Variants in ABCC1 observed in about 807,000 individuals in gnomAD.
ABCC1 encodes the protein ATP binding cassette subfamily C member 1 (ABCC1 blood group), also known as multidrug resistance-associated protein 1.
A neutral mutation model predicts 172.9 loss-of-function variants in ABCC1; 83 were observed. The ratio of observed to expected loss-of-function variants is 0.48; its 90% CI spans 0.40 to 0.58. ABCC1 has a LOEUF of 0.58. Ranked by LOEUF, ABCC1 falls within the 20% of genes least tolerant of loss-of-function variation. The pLI, the probability that ABCC1 is intolerant of heterozygous loss-of-function variation, is 0.00. For missense variants in ABCC1, 1,817 were observed against 2,002.7 expected (o/e 0.91, Z 1.77); for synonymous variants, 937 against 825.2 (o/e 1.14, Z -2.32).
At chr16:16,079,819 T>G (rs566215958) in intron 16 of ABCC1, among the ~76,000 whole-genome samples, 7 of 133,746 alleles carry the variant, frequency 5.2e-5, no homozygotes, top group Non-Finnish European at 7.7e-5. Context: ...TATTATTGTG[T>G]TTTTTTTTTT....
At chr16:16,122,296 G>A (rs2045204128) in intron 24 of ABCC1, 122 bp downstream of exon 24, 1 of 1,080,328 alleles carries the variant, frequency 9.3e-7, no homozygotes, top group South Asian at 1.5e-5. Flanking sequence ...CTTGCAGAAA[G>A]GATGGAGAGG....
chr16:16,132,491 T>C (rs2045725690), intron 27 of ABCC1, among the ~76,000 whole-genome samples: 1 of 148,418 alleles, frequency 6.7e-6, no homozygotes, highest in African/African-American at 2.5e-5. Context: ...GAAGTTCTTT[T>C]TTTGTTTTTT....
chr16:15,974,151 T>C (rs1467808365), intron 1 of ABCC1, among the ~76,000 whole-genome samples: 2 of 152,218 alleles, frequency 1.3e-5, no homozygotes, highest in Non-Finnish European at 1.5e-5. Context: ...AGAGTATTCC[T>C]GGGACCTGGC....
At chr16:16,059,831 C>A (rs1424985418) in intron 12 of ABCC1, among the ~76,000 whole-genome samples, 6 of 150,272 alleles carry the variant, frequency 4.0e-5, no homozygotes, top group Non-Finnish European at 7.4e-5. Context: ...CCCTCCCAGC[C>A]CCCCACAAAA....
intron 4 of ABCC1, 39 bp from the exon 5 acceptor site, chr16:16,016,457 G>C: frequency 1.9e-6 from 3 of 1,611,914 alleles, no homozygotes; most frequent in Non-Finnish European, 2.5e-6. Flanking sequence ...CCCAGCCCCA[G>C]AATGTGATCT....
chr16:16,134,333 G>T lies in ABCC1; in HGVS notation c.3967-17G>T. 1.2e-6 allele frequency: 2 copies of T among 1,613,822 alleles called. No individual in the cohort carries two copies. Among genetic ancestry groups the T allele is most frequent in the Non-Finnish European group, 1.7e-6 (2 of 1,179,972 alleles). ...ATGCCAGCATTCCCACCACACCTGG[G>T]CCCTTCTGTCCTGCAGGTCGGCATC... On this transcript the variant is annotated splice_polypyrimidine_tract_variant and intron_variant, in intron 27 of 30. Transcript: ENST00000399410.
intron 1 of ABCC1, among the ~76,000 whole-genome samples, chr16:15,994,533 G>A (rs1294519781): frequency 6.6e-6 from 1 of 152,122 alleles, no homozygotes; most frequent in African/African-American, 2.4e-5. Flanking sequence ...ATAAATACAT[G>A]CTTTCTCTTT....
At position 16,056,313 on chromosome 16, in the gene ABCC1, T is replaced by C. The variant is rs1413788889; in HGVS notation, c.1677+18T>C. On this transcript the variant is annotated intron_variant, in intron 12 of 30. Coordinates refer to ENST00000399410, the MANE Select transcript of ABCC1 (RefSeq NM_004996.4). The stretch of plus-strand genomic sequence containing the variant: ...CCTTTCTGGTGAGTGAAGCCACATT[T>C]TTCCTGGCCCTCATTGTTTGATGTT... The C allele has an allele frequency of 1.2e-6, 2 of 1,613,678 alleles. No homozygotes were observed. The highest frequency in any genetic ancestry group is 1.7e-6 in the Non-Finnish European group (2 of 1,179,758).
At chr16:16,120,535 G>T (rs2045104084) in intron 23 of ABCC1, among the ~76,000 whole-genome samples, 1 of 152,148 alleles carries the variant, frequency 6.6e-6, no homozygotes, top group Non-Finnish European at 1.5e-5. Context: ...CGCGAGGGTG[G>T]GTGGAGCTGC....
At chr16:15,997,298 A>G (rs2047091702) in intron 1 of ABCC1, among the ~76,000 whole-genome samples, 1 of 152,076 alleles carries the variant, frequency 6.6e-6, no homozygotes, top group Non-Finnish European at 1.5e-5. Flanking sequence ...TCACCATGTT[A>G]GCCAGGATGG....
rs1022280889 is a variant in ABCC1, at chr16:15,951,885, G to C, written c.48+2086G>C. 1.2e-4 allele frequency among the ~76,000 whole-genome samples: 18 copies of C among 152,020 alleles called. 1 individual carries two copies. The highest frequency in any genetic ancestry group is 4.1e-4 in the African/African-American group (17 of 41,404). ...TTGTATTTTTTATAGAGACAGATTCGCACTATATTGCCCAGGCTGGTCTCC... is the reference window on the plus strand; with the variant it reads ...TTGTATTTTTTATAGAGACAGATTCCCACTATATTGCCCAGGCTGGTCTCC... On this transcript the variant is annotated intron_variant, in intron 1 of 30. Transcript: ENST00000399410.
chr16:16,110,965 A>G (rs9931487), intron 21 of ABCC1, among the ~76,000 whole-genome samples: 10,857 of 152,090 alleles, frequency 0.071, 451 homozygotes, highest in Non-Finnish European at 0.093. Flanking sequence ...CAGTGGGGCA[A>G]TCTTGGCTCA....
chr16:16,074,799 C>G (rs895555124), intron 14 of ABCC1, among the ~76,000 whole-genome samples: 1 of 152,150 alleles, frequency 6.6e-6, no homozygotes, highest in Non-Finnish European at 1.5e-5. Context: ...CAGCACCTTC[C>G]TCTCTCTCTA....
chr16:16,068,767 A>G (rs2050211264), intron 13 of ABCC1, among the ~76,000 whole-genome samples: 2 of 151,404 alleles, frequency 1.3e-5, no homozygotes, highest in Admixed American at 1.3e-4. Flanking sequence ...CGGGTAGATC[A>G]CCTGAGGTCA....
chr16:16,039,227 GTGTGTGTATGTA>G (rs1258156207), intron 7 of ABCC1, among the ~76,000 whole-genome samples: 1 of 137,134 alleles, frequency 7.3e-6, no homozygotes, highest in Non-Finnish European at 1.5e-5. Context: ...GTGTGTGTGT[GTGTGTGTATGTA>G]TGTGTGTGTG....
intron 23 of ABCC1, among the ~76,000 whole-genome samples, chr16:16,116,931 A>G (rs1212258331): frequency 6.6e-6 from 1 of 152,168 alleles, no homozygotes; most frequent in African/African-American, 2.4e-5. Context: ...CAGTCTGATA[A>G]CCGATATGGC....
chr16:16,057,757 G>T (rs574292633), intron 12 of ABCC1, among the ~76,000 whole-genome samples: 4 of 152,074 alleles, frequency 2.6e-5, no homozygotes, highest in Admixed American at 2.0e-4. Context: ...GTTCATTCTG[G>T]TCTACTTCAT....
At chr16:15,980,726 C>T (rs775801545) in intron 1 of ABCC1, among the ~76,000 whole-genome samples, 12 of 152,102 alleles carry the variant, frequency 7.9e-5, no homozygotes, top group South Asian at 2.1e-4. Context: ...CAAATGATAT[C>T]GTTCTGCCCC....
rs777361209 is a variant in ABCC1 at position 16,124,769 on chromosome 16, G to A, written c.3591-20G>A. 7 of 1,613,914 alleles carry A rather than the reference G, an allele frequency of 4.3e-6. No homozygotes were observed. The Admixed American group carries it at 1.0e-4, about 23-fold the overall frequency. Reference sequence around the variant, plus strand: ...GAGCTGACTCCATGCCTGTTTGTCTGCCTGTGTGTCTTGGCGCAGGTGGCT... The same window carrying A: ...GAGCTGACTCCATGCCTGTTTGTCTACCTGTGTGTCTTGGCGCAGGTGGCT... On this transcript the variant is annotated intron_variant, in intron 24 of 30. Transcript: ENST00000399410.
Sources: allele counts gnomAD v4.1 joint callset (sites outside exome capture counted in the v4.1 genomes callset), GRCh38; gene constraint gnomAD v4.1.1; transcripts MANE v1.5; gene names NCBI Gene and HGNC (gene_info 2026-07-23, HGNC 2026-07-21).